The following LOC128092253 variants were observed in gnomAD, a reference collection of about 807,000 sequenced individuals.
the LOC128092253 span, among the ~76,000 whole-genome samples, chr6:133,961,675 G>A: frequency 6.6e-6 from 1 of 151,738 alleles, no homozygotes; most frequent in African/African-American, 2.4e-5. Context: ...CATGTTAATC[G>A]GGCTGGTCTT....
the LOC128092253 span, among the ~76,000 whole-genome samples, chr6:133,957,860 G>A: frequency 6.6e-6 from 1 of 152,220 alleles, no homozygotes; most frequent in African/African-American, 2.4e-5. Context: ...AAAAGTATTA[G>A]CAGGTGCTAG....
chr6:133,967,529 G>A, the LOC128092253 span, among the ~76,000 whole-genome samples: 1 of 152,180 alleles, frequency 6.6e-6, no homozygotes, highest in Non-Finnish European at 1.5e-5. Context: ...GAACATCATA[G>A]AGTATAATTA....
At chr6:133,978,708 T>C in the LOC128092253 span, among the ~76,000 whole-genome samples, 1 of 152,202 alleles carries the variant, frequency 6.6e-6, no homozygotes, top group Non-Finnish European at 1.5e-5. Context: ...TTGAATGCCA[T>C]ATGGTCTTAT....
the LOC128092253 span, among the ~76,000 whole-genome samples, chr6:133,967,590 C>A: frequency 3.3e-5 from 5 of 152,154 alleles, no homozygotes; most frequent in African/African-American, 4.8e-5. Context: ...TGTAGTATAG[C>A]CTATTGCTTG....
chr6:133,975,043 A>G, the LOC128092253 span, among the ~76,000 whole-genome samples: 1 of 152,212 alleles, frequency 6.6e-6, no homozygotes, highest in Non-Finnish European at 1.5e-5. Flanking sequence ...AAATACTTTC[A>G]TTTAAGAAAT....
chr6:133,966,559 G>C, the LOC128092253 span, among the ~76,000 whole-genome samples: 3 of 152,090 alleles, frequency 2.0e-5, no homozygotes, highest in South Asian at 6.2e-4. Context: ...TAACTGCTCC[G>C]TATCTCCTCT....
chr6:133,953,663 A>G, the LOC128092253 span, among the ~76,000 whole-genome samples: 1 of 151,996 alleles, frequency 6.6e-6, no homozygotes, highest in African/African-American at 2.4e-5. Context: ...CTCTTTAGGG[A>G]TAACGGGTTG....
At chr6:133,965,893 G>A in the LOC128092253 span, among the ~76,000 whole-genome samples, 7 of 152,082 alleles carry the variant, frequency 4.6e-5, no homozygotes, top group Non-Finnish European at 5.9e-5. Context: ...TGTGCCAAGC[G>A]CTTTATATGA....
the LOC128092253 span, among the ~76,000 whole-genome samples, chr6:133,973,362 C>T: frequency 6.6e-6 from 1 of 152,314 alleles, no homozygotes. Flanking sequence ...GTATCCTCAG[C>T]TTCAACTTGA....
At chr6:133,977,830 C>T in the LOC128092253 span, among the ~76,000 whole-genome samples, 985 of 152,266 alleles carry the variant, frequency 6.5e-3, 17 homozygotes, top group African/African-American at 0.022. Flanking sequence ...CTCATTGTCT[C>T]GTGGTGCAAA....
chr6:133,954,847 A>G, the LOC128092253 span, among the ~76,000 whole-genome samples: 5 of 152,240 alleles, frequency 3.3e-5, no homozygotes, highest in South Asian at 8.3e-4. Context: ...ACCTATTACT[A>G]TGTGCCCTTG....
chr6:133,958,586 A>G, the LOC128092253 span, among the ~76,000 whole-genome samples: 1 of 152,202 alleles, frequency 6.6e-6, no homozygotes, highest in African/African-American at 2.4e-5. Context: ...AATAATAGCT[A>G]ACTTTAAAAA....
the LOC128092253 span, among the ~76,000 whole-genome samples, chr6:133,965,501 A>G: frequency 6.6e-6 from 1 of 152,014 alleles, no homozygotes; most frequent in African/African-American, 2.4e-5. Context: ...TTCCTGTTTC[A>G]TTTGCCACCT....
chr6:133,962,492 G>A, the LOC128092253 span, among the ~76,000 whole-genome samples: 5 of 152,228 alleles, frequency 3.3e-5, no homozygotes, highest in Admixed American at 2.0e-4. Context: ...GTTGAAGTGA[G>A]CGAGTGTTAA....
chr6:133,956,314 G>T, the LOC128092253 span, among the ~76,000 whole-genome samples: 1 of 152,192 alleles, frequency 6.6e-6, no homozygotes, highest in Non-Finnish European at 1.5e-5. Flanking sequence ...AATCCATTTT[G>T]TTGTGCCTTC....
the LOC128092253 span, among the ~76,000 whole-genome samples, chr6:133,972,012 G>A: frequency 6.6e-6 from 1 of 152,054 alleles, no homozygotes; most frequent in South Asian, 2.1e-4. Flanking sequence ...CTAAAATACT[G>A]TGATAACTAC....
the LOC128092253 span, among the ~76,000 whole-genome samples, chr6:133,967,155 T>C: frequency 6.6e-6 from 1 of 152,220 alleles, no homozygotes; most frequent in Admixed American, 6.5e-5. Context: ...ATCTGCTGTT[T>C]CCTGAACCGA....
chr6:133,963,615 T>C, the LOC128092253 span, among the ~76,000 whole-genome samples: 1 of 152,048 alleles, frequency 6.6e-6, no homozygotes, highest in Non-Finnish European at 1.5e-5. Flanking sequence ...CGAGACAGAG[T>C]CTCACCATGT....
chr6:133,956,715 C>A, the LOC128092253 span, among the ~76,000 whole-genome samples: 13 of 152,204 alleles, frequency 8.5e-5, no homozygotes, highest in Non-Finnish European at 1.8e-4. Flanking sequence ...CCTAAAATTT[C>A]AACTTTGTAT....
Sources: allele counts gnomAD v4.1 joint callset (sites outside exome capture counted in the v4.1 genomes callset), GRCh38; gene constraint gnomAD v4.1.1; transcripts MANE v1.5.